The following TOM1 variants were observed in gnomAD, a reference collection of about 807,000 sequenced individuals.
The protein encoded by TOM1 is target of Myb protein 1.
Under a neutral mutation model 61.3 loss-of-function variants are expected in TOM1, and 38 were observed. That is an observed-to-expected ratio of 0.62 (90% CI 0.48 to 0.81). The LOEUF is 0.81. Ranked by LOEUF, TOM1 falls within the 40% of genes least tolerant of loss-of-function variation. The probability of loss-of-function intolerance (pLI) is 0.00; values close to 1 mark genes in which losing one functional copy is unlikely to be tolerated. For synonymous variants in TOM1, 270 were observed against 268.8 expected (o/e 1.00, Z -0.04); for missense variants, 591 against 659.6 (o/e 0.90, Z 1.14).
chr22:35,324,758 C>G (rs1289778646), intron 6 of TOM1, among the ~76,000 whole-genome samples: 3 of 152,194 alleles, frequency 2.0e-5, no homozygotes, highest in African/African-American at 7.2e-5. Flanking sequence ...TCATGTTGGC[C>G]AGGCTAGTCT....
chr22:35,317,879 A>G lies in TOM1; in HGVS notation c.55A>G (p.Lys19Glu). Residue 19 changes from lysine (K) to glutamate (E), a missense_variant and splice_region_variant, in exon 2 of 15, where the codon AAA becomes GAA. Coordinates refer to ENST00000449058, the MANE Select transcript of TOM1 (RefSeq NM_005488.3). The stretch of plus-strand genomic sequence containing the variant: ...TATGACTCCTGGTTTCTTCTCAGAG[A>G]AAGCCACAGATGGCTCCCTGCAGAG... ...FSSPVGQRIE[K>E]ATDGSLQSED... The G allele has an allele frequency of 1.2e-6, 2 of 1,613,938 alleles. No individual in the cohort carries two copies. Among genetic ancestry groups the G allele is most frequent in the Non-Finnish European group, 1.7e-6 (2 of 1,179,856 alleles).
intron 7 of TOM1, among the ~76,000 whole-genome samples, chr22:35,328,684 G>A (rs1225708920): frequency 6.6e-6 from 1 of 152,220 alleles, no homozygotes; most frequent in Non-Finnish European, 1.5e-5. Flanking sequence ...CGTGCTAAGG[G>A]CGATGAGGAA....
At chr22:35,336,606 C>A (rs1001855606) in intron 11 of TOM1, 2 of 152,320 alleles carry the variant, frequency 1.3e-5, no homozygotes, top group African/African-American at 4.8e-5. Flanking sequence ...GGGTGTCCTT[C>A]CCCCGCTTTG....
At chr22:35,319,769 G>A (rs2145647329) in intron 2 of TOM1, among the ~76,000 whole-genome samples, 1 of 152,344 alleles carries the variant, frequency 6.6e-6, no homozygotes, top group Middle Eastern at 3.4e-3. Flanking sequence ...GACGGGCGAG[G>A]GGCTGCCCAG....
Position 35,327,213 on chromosome 22 carries a change from G to A in TOM1, c.649-58G>A, listed in dbSNP as rs192251817. ...TGGTGGTACTGGGTTCTGTCGCTGTGAGTAACATGGGCCCCAGAACCCTGG... is the reference window on the plus strand; with the variant it reads ...TGGTGGTACTGGGTTCTGTCGCTGTAAGTAACATGGGCCCCAGAACCCTGG... On this transcript the variant is annotated intron_variant, in intron 6 of 14. Transcript: ENST00000449058. The A allele has an allele frequency of 1.4e-3, 2,144 of 1,529,194 alleles. 4 individuals carry two copies. The highest frequency in any genetic ancestry group is 1.7e-3 in the Non-Finnish European group (1,879 of 1,104,672). The allele number at this position is 1,529,194 out of a possible 1,614,324, so 94.7% of individuals were successfully genotyped here. A position where few individuals can be genotyped will look rare whatever the true frequency, so the allele number is the denominator to read the frequency against.
intron 1 of TOM1, among the ~76,000 whole-genome samples, chr22:35,302,592 A>G (rs1265759624): frequency 6.6e-6 from 1 of 152,022 alleles, no homozygotes; most frequent in East Asian, 1.9e-4. Context: ...TCAGCCTCCC[A>G]AAGTACTGGG....
At chr22:35,306,518 A>C (rs538233298) in intron 1 of TOM1, among the ~76,000 whole-genome samples, 16 of 152,192 alleles carry the variant, frequency 1.1e-4, no homozygotes, top group Non-Finnish European at 2.4e-4. Flanking sequence ...GGTGAGCTTG[A>C]GTCAGACTGA....
At chr22:35,301,312 ATATATAT>A (rs150979960) in intron 1 of TOM1, among the ~76,000 whole-genome samples, 3,781 of 104,248 alleles carry the variant, frequency 0.036, 158 homozygotes, top group African/African-American at 0.091. Context: ...ATACACATAC[ATATATAT>A]TATATGTATT....
chr22:35,303,257 G>A (rs1004338701), intron 1 of TOM1, among the ~76,000 whole-genome samples: 12 of 151,932 alleles, frequency 7.9e-5, no homozygotes, highest in African/African-American at 2.9e-4. Context: ...TCCTCCCTGA[G>A]GCTTGCCCCA....
intron 1 of TOM1, among the ~76,000 whole-genome samples, chr22:35,302,052 ACTTCT>A (rs1251406948): frequency 1.3e-5 from 2 of 152,346 alleles, no homozygotes; most frequent in Admixed American, 6.5e-5. Context: ...ATCAAAGCAA[ACTTCT>A]CTTCTTACCT....
rs529196964 is a variant in TOM1 at position 35,345,522 on chromosome 22, C to T, written c.1225-203C>T. On this transcript the variant is annotated intron_variant, in intron 12 of 14. Coordinates refer to ENST00000449058, the MANE Select transcript of TOM1 (RefSeq NM_005488.3). Reference sequence around the variant, plus strand: ...CTGGCCCTGCTCCAGCTGCTGGGAGCCTGGTCCCCTGCTTAGTCTCCTGGC... The same window carrying T: ...CTGGCCCTGCTCCAGCTGCTGGGAGTCTGGTCCCCTGCTTAGTCTCCTGGC... 2.8e-4 allele frequency: 170 copies of T among 607,560 alleles called. No homozygotes were observed. The East Asian group carries it at 4.3e-3, about 16-fold the overall frequency. 37.6% of individuals were successfully genotyped at this position (607,560 alleles called of 1,614,324 possible).
At chr22:35,335,039 G>A (rs1394952350) in intron 11 of TOM1, among the ~76,000 whole-genome samples, 3 of 152,268 alleles carry the variant, frequency 2.0e-5, no homozygotes, top group African/African-American at 7.2e-5. Flanking sequence ...CATTTTCAGG[G>A]GGTACTTTCA....
At chr22:35,301,091 G>A (rs936526661) in intron 1 of TOM1, among the ~76,000 whole-genome samples, 21 of 151,900 alleles carry the variant, frequency 1.4e-4, no homozygotes, top group African/African-American at 4.8e-4. Flanking sequence ...GCCGGGCGTG[G>A]TGGTGCGTGC....
At position 35,324,534 on chromosome 22, in the gene TOM1, G is replaced by A. The variant is rs1601690546; in HGVS notation, c.648+620G>A. On this transcript the variant is annotated intron_variant, in intron 6 of 14. Coordinates refer to ENST00000449058, the MANE Select transcript of TOM1 (RefSeq NM_005488.3). ...ATTGTACCATGCTGCTTCCCATGAA[G>A]TCTCAAGAAGGTCTGAAGCTTTTTT... Among the ~76,000 whole-genome samples, 3 of 151,472 alleles carry A rather than the reference G, an allele frequency of 2.0e-5. No homozygotes were observed. In the East Asian group the frequency reaches 5.8e-4, roughly 29 times the overall value.
chr22:35,341,367 G>C (rs1037097405), intron 12 of TOM1, among the ~76,000 whole-genome samples: 1 of 152,202 alleles, frequency 6.6e-6, no homozygotes, highest in South Asian at 2.1e-4. Context: ...AGGACAGGGA[G>C]ATACCCTGCC....
rs1329483893 is a variant in TOM1, at chr22:35,332,725, G to T, written c.900-256G>T. ...ACCTATTCCTGTTTATTTGTTTCATGCTACTCATGACTAAGGTTGCCTTAT... is the reference window on the plus strand; with the variant it reads ...ACCTATTCCTGTTTATTTGTTTCATTCTACTCATGACTAAGGTTGCCTTAT... On this transcript the variant is annotated intron_variant, in intron 8 of 14. Transcript: ENST00000449058. Among the ~76,000 whole-genome samples, 5 of 152,054 alleles carry T rather than the reference G, an allele frequency of 3.3e-5. No individual in the cohort carries two copies. The East Asian group carries it at 9.6e-4, about 29-fold the overall frequency.
intron 1 of TOM1, among the ~76,000 whole-genome samples, chr22:35,302,330 C>CTTTTTTTTTTTTTTTTTT (rs138734): frequency 4.4e-4 from 31 of 70,906 alleles, no homozygotes; most frequent in Non-Finnish European, 4.5e-4. Flanking sequence ...TTTTCTTTTT[C>CTTTTTTTTTTTTTTTTTT]TTTTTTTTTT....
intron 13 of TOM1, 121 bp downstream of exon 13, chr22:35,345,905 A>G (rs753829882): frequency 9.4e-7 from 1 of 1,061,866 alleles, no homozygotes; most frequent in South Asian, 1.3e-5. Flanking sequence ...AGAGGGGCAC[A>G]CTTAAAGTCC....
chr22:35,333,399 A>AC lies in TOM1; in HGVS notation c.934-3dup. 1 of 1,613,608 alleles carries AC rather than the reference A, an allele frequency of 6.2e-7. No individual in the cohort carries two copies. Among genetic ancestry groups the AC allele is most frequent in the Non-Finnish European group, 8.5e-7 (1 of 1,179,768 alleles). The stretch of plus-strand genomic sequence containing the variant: ...GGATGATCAGGGCATCTCCCTTCCC[A>AC]CCAGGCCCCAAGTGAGGCCGAGCCG... On this transcript the variant is annotated splice_region_variant and splice_polypyrimidine_tract_variant and intron_variant, in intron 9 of 14. Coordinates refer to ENST00000449058, the MANE Select transcript of TOM1 (RefSeq NM_005488.3).
Sources: allele counts gnomAD v4.1 joint callset (sites outside exome capture counted in the v4.1 genomes callset), GRCh38; gene constraint gnomAD v4.1.1; transcripts MANE v1.5; gene names NCBI Gene and HGNC (gene_info 2026-07-23, HGNC 2026-07-21).